IMMP2L: variants seen among roughly 807,000 people sequenced by gnomAD.
IMMP2L encodes inner mitochondrial membrane peptidase subunit 2.
In IMMP2L, 18 loss-of-function variants were observed where a neutral mutation model predicts 19.3. The ratio of observed to expected loss-of-function variants is 0.93; its 90% CI spans 0.64 to 1.38. The LOEUF (loss-of-function observed/expected upper bound fraction) is 1.38. Ranked by LOEUF, IMMP2L falls within the 40% of genes most tolerant of loss-of-function variation. IMMP2L has a pLI of 0.00. For missense variants in IMMP2L, 233 were observed against 218.2 expected (o/e 1.07, Z -0.43); for synonymous variants, 76 against 73.0 (o/e 1.04, Z -0.21).
chr7:110,797,844 A>C (rs1414429191), intron 5 of IMMP2L, among the ~76,000 whole-genome samples: 1 of 152,032 alleles, frequency 6.6e-6, no homozygotes, highest in Non-Finnish European at 1.5e-5. Flanking sequence ...TGACAGTATA[A>C]AATAAGTGTC....
chr7:111,131,334 T>C (rs900354513), intron 3 of IMMP2L, among the ~76,000 whole-genome samples: 4 of 152,030 alleles, frequency 2.6e-5, no homozygotes, highest in Admixed American at 2.0e-4. Context: ...AAAGTGACAG[T>C]GCAACGCTTG....
At chr7:110,746,920 G>C (rs1182237779) in intron 5 of IMMP2L, among the ~76,000 whole-genome samples, 1 of 152,040 alleles carries the variant, frequency 6.6e-6, no homozygotes, top group Non-Finnish European at 1.5e-5. Context: ...AACTGAAGGA[G>C]ACAGAGACAC....
Position 111,042,497 on chromosome 7 carries a change from A to G in IMMP2L, c.240-78932T>C, listed in dbSNP as rs78780633. 7.7e-3 allele frequency among the ~76,000 whole-genome samples: 1,178 copies of G among 152,282 alleles called. 14 individuals are homozygous for G. The highest frequency in any genetic ancestry group is 0.027 in the African/African-American group (1,107 of 41,568). The stretch of plus-strand genomic sequence containing the variant: ...ATCCCAGCTACCATTTAAAGATTTT[A>G]TCTTGTGCAAGGGTTAACTTGGTGA... On this transcript the variant is annotated intron_variant, in intron 3 of 5. Coordinates refer to ENST00000405709, the MANE Select transcript of IMMP2L (RefSeq NM_032549.4).
At chr7:111,419,174 T>G (rs1398924736) in intron 3 of IMMP2L, among the ~76,000 whole-genome samples, 1 of 151,722 alleles carries the variant, frequency 6.6e-6, no homozygotes, top group East Asian at 1.9e-4. Context: ...TATTCCAATA[T>G]ATGAAGAATA....
intron 3 of IMMP2L, among the ~76,000 whole-genome samples, chr7:111,266,648 T>C (rs1170797647): frequency 6.6e-6 from 1 of 151,752 alleles, no homozygotes; most frequent in Non-Finnish European, 1.5e-5. Flanking sequence ...ATTTCCCTCA[T>C]CTATAAAATT....
intron 3 of IMMP2L, among the ~76,000 whole-genome samples, chr7:111,351,679 G>T (rs1828176608): frequency 1.3e-5 from 2 of 152,068 alleles, no homozygotes; most frequent in South Asian, 4.1e-4. Context: ...GCTATAATGT[G>T]ATTCCAAAAA....
chr7:110,826,328 C>T (rs181013958), intron 5 of IMMP2L, among the ~76,000 whole-genome samples: 2 of 152,310 alleles, frequency 1.3e-5, no homozygotes, highest in African/African-American at 4.8e-5. Flanking sequence ...CCAGCTATCC[C>T]ATTACCGGGT....
At chr7:110,842,057 A>G (rs1018066968) in intron 5 of IMMP2L, among the ~76,000 whole-genome samples, 2 of 152,160 alleles carry the variant, frequency 1.3e-5, no homozygotes, top group Non-Finnish European at 2.9e-5. Context: ...TGGGGCAGAA[A>G]CACATTAAAT....
rs1053750021 is a variant in IMMP2L, at chr7:111,478,013, T to C, written c.239+9225A>G. Among the ~76,000 whole-genome samples, 16 of 152,302 alleles carry C rather than the reference T, an allele frequency of 1.1e-4. No individual in the cohort carries two copies. In the South Asian group the frequency reaches 3.1e-3, roughly 30 times the overall value. On this transcript the variant is annotated intron_variant, in intron 3 of 5. Transcript: ENST00000405709. The stretch of plus-strand genomic sequence containing the variant: ...AGTGCTTTTTCATTCTGTGGATTGA[T>C]GTCTTTCATTGATTTTAGAAAACTC...
At chr7:110,750,523 T>C (rs1797654267) in intron 5 of IMMP2L, among the ~76,000 whole-genome samples, 1 of 152,124 alleles carries the variant, frequency 6.6e-6, no homozygotes, top group Non-Finnish European at 1.5e-5. Flanking sequence ...TAAATGCCTT[T>C]ACTCCTTATT....
rs7806656 is a variant in IMMP2L at position 111,158,596 on chromosome 7, A to C, written c.240-195031T>G. Among the ~76,000 whole-genome samples, 1,518 of 152,296 alleles carry C rather than the reference A, an allele frequency of 1.0e-2. 31 individuals carry two copies. The highest frequency in any genetic ancestry group is 0.033 in the African/African-American group (1,370 of 41,574). Reference sequence around the variant, plus strand: ...TCACGGTTTTCAGTTCTTTTAGGACATTCCCATACTCATGGGTGCTATACA... The same window carrying C: ...TCACGGTTTTCAGTTCTTTTAGGACCTTCCCATACTCATGGGTGCTATACA... On this transcript the variant is annotated intron_variant, in intron 3 of 5. Transcript: ENST00000405709.
At chr7:111,282,957 A>G (rs1820067195) in intron 3 of IMMP2L, among the ~76,000 whole-genome samples, 1 of 152,162 alleles carries the variant, frequency 6.6e-6, no homozygotes, top group South Asian at 2.1e-4. Context: ...AGACTTGAAC[A>G]ATACTATAAA....
chr7:111,520,926 A>G (rs1418263269), intron 2 of IMMP2L, among the ~76,000 whole-genome samples: 1 of 152,184 alleles, frequency 6.6e-6, no homozygotes, highest in Non-Finnish European at 1.5e-5. Flanking sequence ...ATATACCTAT[A>G]TAACAAGAGA....
intron 3 of IMMP2L, among the ~76,000 whole-genome samples, chr7:111,367,432 T>C (rs1041012476): frequency 2.0e-5 from 3 of 151,778 alleles, no homozygotes; most frequent in Non-Finnish European, 4.4e-5. Flanking sequence ...GTTAGTTACC[T>C]TCATTCTTCC....
intron 5 of IMMP2L, among the ~76,000 whole-genome samples, chr7:110,742,361 G>A (rs117956908): frequency 0.022 from 3,410 of 152,140 alleles, 50 homozygotes; most frequent in Non-Finnish European, 0.036. Flanking sequence ...ATGATATCAT[G>A]AAAATTTTAT....
chr7:110,966,115 A>G (rs1819519897), intron 3 of IMMP2L, among the ~76,000 whole-genome samples: 1 of 152,064 alleles, frequency 6.6e-6, no homozygotes, highest in African/African-American at 2.4e-5. Flanking sequence ...ATAGAAGAAT[A>G]TTTAGTGATA....
chr7:110,722,203 T>G (rs919855381), intron 5 of IMMP2L, among the ~76,000 whole-genome samples: 1 of 152,094 alleles, frequency 6.6e-6, no homozygotes, highest in African/African-American at 2.4e-5. Context: ...ATGAAAAACC[T>G]GAAGGGTGTT....
intron 5 of IMMP2L, among the ~76,000 whole-genome samples, chr7:110,770,473 A>T (rs1406219580): frequency 1.3e-5 from 2 of 152,214 alleles, no homozygotes; most frequent in South Asian, 4.1e-4. Context: ...ATTAAAATTA[A>T]CAGTGAAATG....
rs1794917384 is a variant in IMMP2L at position 110,712,155 on chromosome 7, T to C, written c.409-48434A>G. ...TCTTTGTGGTTTTATCTACTTTTGGTCTTTGATGATGGTGATGAACAGATG... is the reference window on the plus strand; with the variant it reads ...TCTTTGTGGTTTTATCTACTTTTGGCCTTTGATGATGGTGATGAACAGATG... On this transcript the variant is annotated intron_variant, in intron 5 of 5. Coordinates refer to ENST00000405709, the MANE Select transcript of IMMP2L (RefSeq NM_032549.4). Among the ~76,000 whole-genome samples, 2 of 131,784 alleles carry C rather than the reference T, an allele frequency of 1.5e-5. 1 individual carries two copies. Among genetic ancestry groups the C allele is most frequent in the Non-Finnish European group, 3.3e-5 (2 of 59,824 alleles). The allele number at this position is 131,784 out of a possible 152,430, so 86.5% of individuals were successfully genotyped here. A position where few individuals can be genotyped will look rare whatever the true frequency, so the allele number is the denominator to read the frequency against.
Sources: gnomAD v4.1 joint callset for allele counts (sites outside exome capture counted in the v4.1 genomes callset) on GRCh38, gnomAD v4.1.1 for gene constraint, MANE v1.5 for transcripts, NCBI Gene and HGNC (gene_info 2026-07-23, HGNC 2026-07-21) for gene names.